Variants in EFCAB6 observed in about 807,000 individuals in gnomAD.
The protein encoded by EFCAB6 is EF-hand calcium binding domain 6.
A neutral mutation model predicts 169.8 loss-of-function variants in EFCAB6; 156 were observed. The observed-to-expected ratio is 0.92, with a 90% CI of 0.81 to 1.05. EFCAB6 has a LOEUF of 1.05. EFCAB6 is among the 50% of genes least tolerant of loss of function. The pLI is 0.00. For missense variants in EFCAB6, 1,800 were observed against 1,829.1 expected, an observed-to-expected ratio of 0.98 and a Z score of 0.29; for synonymous variants, 698 against 676.4, an observed-to-expected ratio of 1.03 and a Z score of -0.50.
chr22:43,645,674 C>T (rs536517456), intron 17 of EFCAB6, among the ~76,000 whole-genome samples: 89 of 152,192 alleles, frequency 5.8e-4, no homozygotes, highest in Non-Finnish European at 9.9e-4. Flanking sequence ...AGTAGTGATA[C>T]GTATATTTCC....
At chr22:43,731,395 A>G (rs1344886337) in intron 8 of EFCAB6, among the ~76,000 whole-genome samples, 2 of 152,200 alleles carry the variant, frequency 1.3e-5, no homozygotes, top group East Asian at 1.9e-4. Flanking sequence ...CAACCTGAGT[A>G]TTTTGGAATA....
intron 26 of EFCAB6, among the ~76,000 whole-genome samples, chr22:43,567,707 C>G (rs972806919): frequency 6.6e-6 from 1 of 152,150 alleles, no homozygotes; most frequent in Admixed American, 6.5e-5. Context: ...GTTTCCCCCT[C>G]TGGTACCCCA....
intron 16 of EFCAB6, 77 bp from the exon 17 acceptor site, chr22:43,667,349 C>T: frequency 6.6e-7 from 1 of 1,514,898 alleles, no homozygotes; most frequent in South Asian, 1.2e-5. Flanking sequence ...GCACCCATTT[C>T]CATGTAACCC....
At chr22:43,571,053 G>A (rs1455009847) in intron 26 of EFCAB6, among the ~76,000 whole-genome samples, 1 of 152,234 alleles carries the variant, frequency 6.6e-6, no homozygotes, top group Non-Finnish European at 1.5e-5. Context: ...AAGCCACACA[G>A]CAGGGGCAGG....
At chr22:43,614,233 T>C (rs1428265879) in intron 21 of EFCAB6, among the ~76,000 whole-genome samples, 1 of 143,154 alleles carries the variant, frequency 7.0e-6, no homozygotes, top group Non-Finnish European at 1.5e-5. Context: ...ATGGCCAAGA[T>C]TTACTATAAG....
chr22:43,722,726 G>GATT (rs947387693), intron 8 of EFCAB6, among the ~76,000 whole-genome samples: 18 of 152,106 alleles, frequency 1.2e-4, no homozygotes, highest in African/African-American at 4.3e-4. Flanking sequence ...GTGGAAAATA[G>GATT]ATTATTATGC....
At chr22:43,618,013 A>T (rs1294908027) in intron 20 of EFCAB6, among the ~76,000 whole-genome samples, 1 of 151,246 alleles carries the variant, frequency 6.6e-6, no homozygotes, top group Non-Finnish European at 1.5e-5. Flanking sequence ...GAGACAGGAG[A>T]ATCACTGGAA....
chr22:43,534,822 G>C lies in EFCAB6; in HGVS notation c.4099C>G (p.Leu1367Val), dbSNP rs763234024. Residue 1367 changes from leucine (L) to valine (V), a missense_variant, in exon 30 of 32, where the codon CTC becomes GTC. Coordinates refer to ENST00000262726, the MANE Select transcript of EFCAB6 (RefSeq NM_022785.4). ...LDISKEECQQ[L>V]IIKYDLKSNG... is the part of the protein sequence containing the mutation. Reference sequence around the variant, plus strand: ...CTCTTTAAGTCGTATTTTATAATGAGCTGCTGACACTCCTCTTTGCTTATG... The same window carrying C: ...CTCTTTAAGTCGTATTTTATAATGACCTGCTGACACTCCTCTTTGCTTATG... 6.2e-7 allele frequency: 1 copy of C among 1,613,662 alleles called. No homozygotes were observed. Among genetic ancestry groups the C allele is most frequent in the South Asian group, 1.1e-5 (1 of 90,856 alleles).
chr22:43,739,445 C>G (rs949306084), intron 6 of EFCAB6, among the ~76,000 whole-genome samples: 2 of 152,080 alleles, frequency 1.3e-5, no homozygotes, highest in Admixed American at 1.3e-4. Flanking sequence ...AGTCCTCAGC[C>G]CTCTCTGCTT....
chr22:43,674,605 A>G (rs1026813117), intron 13 of EFCAB6, among the ~76,000 whole-genome samples: 4 of 152,248 alleles, frequency 2.6e-5, no homozygotes, highest in African/African-American at 9.6e-5. Flanking sequence ...GCATGAAGAC[A>G]GGCATGATCT....
chr22:43,790,148 T>C (rs1471273481), intron 2 of EFCAB6, among the ~76,000 whole-genome samples: 2 of 152,214 alleles, frequency 1.3e-5, no homozygotes, highest in Non-Finnish European at 1.5e-5. Context: ...CTGTACAGTC[T>C]AGAGACCTGT....
At chr22:43,750,056 T>C (rs976956377) in intron 6 of EFCAB6, among the ~76,000 whole-genome samples, 3 of 152,150 alleles carry the variant, frequency 2.0e-5, no homozygotes, top group Non-Finnish European at 4.4e-5. Flanking sequence ...CCCCACACCA[T>C]GCTGCTTTAA....
intron 21 of EFCAB6, among the ~76,000 whole-genome samples, chr22:43,614,332 A>T (rs1243100545): frequency 6.6e-6 from 1 of 152,126 alleles, no homozygotes. Context: ...AGACCCACAT[A>T]ATCAACATAC....
In EFCAB6 at chr22:43,731,614, AT is replaced by A. The variant is rs560531865; in HGVS notation, c.757+84del. On this transcript the variant is annotated intron_variant, in intron 8 of 31. Coordinates refer to ENST00000262726, the MANE Select transcript of EFCAB6 (RefSeq NM_022785.4). ...TAATGTATTTCCTATATTTGAAAGT[AT>A]TTCCTCAGGAATGATCCAAAGAACA... The A allele has an allele frequency of 3.5e-3, 2,528 of 717,944 alleles. 4 individuals are homozygous for A. The highest frequency in any genetic ancestry group is 4.9e-3 in the Non-Finnish European group (2,302 of 471,502). 44.5% of individuals were successfully genotyped at this position (717,944 alleles called of 1,614,324 possible). A position where few individuals can be genotyped will look rare whatever the true frequency, so the allele number is the denominator to read the frequency against.
chr22:43,748,432 T>G (rs1355757444), intron 6 of EFCAB6, among the ~76,000 whole-genome samples: 3 of 152,144 alleles, frequency 2.0e-5, no homozygotes, highest in Non-Finnish European at 4.4e-5. Context: ...TCATGTCCTT[T>G]TCTTAGGCCA....
At chr22:43,772,741 C>T in intron 4 of EFCAB6, 151 bp downstream of exon 4, 2 of 717,508 alleles carry the variant, frequency 2.8e-6, no homozygotes, top group Non-Finnish European at 4.5e-6. Flanking sequence ...TGATCATCTA[C>T]ATCAGCCTTA....
At chr22:43,620,026 T>C (rs1267203561) in intron 20 of EFCAB6, among the ~76,000 whole-genome samples, 1 of 152,174 alleles carries the variant, frequency 6.6e-6, no homozygotes, top group Non-Finnish European at 1.5e-5. Flanking sequence ...ATCTCTAAAG[T>C]AGCCTGAATG....
intron 22 of EFCAB6, among the ~76,000 whole-genome samples, chr22:43,601,458 A>G (rs1397281395): frequency 6.6e-6 from 1 of 152,220 alleles, no homozygotes; most frequent in Admixed American, 6.5e-5. Context: ...ACTATATTTA[A>G]ACAATGTTGC....
chr22:43,736,301 T>C (rs2060136356), intron 6 of EFCAB6, among the ~76,000 whole-genome samples: 1 of 152,246 alleles, frequency 6.6e-6, no homozygotes, highest in Admixed American at 6.5e-5. Context: ...ATCTTTTTTG[T>C]TAATTGATAC....
Sources: gnomAD v4.1 joint callset for allele counts (sites outside exome capture counted in the v4.1 genomes callset) on GRCh38, gnomAD v4.1.1 for gene constraint, MANE v1.5 for transcripts, NCBI Gene and HGNC (gene_info 2026-07-23, HGNC 2026-07-21) for gene names.